SLC44A2: variants seen among roughly 807,000 people sequenced by gnomAD.
SLC44A2 encodes solute carrier family 44 member 2 (CTL2 blood group).
In SLC44A2, 57 loss-of-function variants were observed where a neutral mutation model predicts 90.8. The ratio of observed to expected loss-of-function variants is 0.63; its 90% CI spans 0.51 to 0.78. The LOEUF (loss-of-function observed/expected upper bound fraction) is 0.78, where lower values mean the gene tolerates loss of function less well. Among genes scored for constraint, SLC44A2 ranks in the 30% least tolerant of loss-of-function variants. The pLI is 0.00. For missense variants in SLC44A2, 794 were observed against 919.7 expected (o/e 0.86, Z 1.77); for synonymous variants, 355 against 360.7 (o/e 0.98, Z 0.18).
At chr19:10,632,724 G>A (rs2067010897) in intron 10 of SLC44A2, among the ~76,000 whole-genome samples, 1 of 150,544 alleles carries the variant, frequency 6.6e-6, no homozygotes, top group African/African-American at 2.4e-5. Context: ...CCAGGCTGGA[G>A]TGCCATGGCG....
Position 10,636,535 on chromosome 19 carries a change from G to A in SLC44A2, c.1446G>A (p.Pro482=), listed in dbSNP as rs562552365. 5.6e-6 allele frequency: 9 copies of A among 1,609,354 alleles called. No homozygotes were observed. The African/African-American group carries it at 1.2e-4, about 21-fold the overall frequency. ...FASYYWALRK[P]DDLPAFPLFS... ...CCTACTACTGGGCCCTGCGCAAGCC[G>A]GACGACCTGCCGGCCTTCCCGCTCT... The change falls in exon 15 of 22, where the codon CCG becomes CCA. Residue 482 remains proline, a synonymous_variant. Coordinates refer to ENST00000335757, the MANE Select transcript of SLC44A2 (RefSeq NM_020428.4).
chr19:10,634,749 C>A lies in SLC44A2; in HGVS notation c.824-7C>A, dbSNP rs1253654759. On this transcript the variant is annotated splice_polypyrimidine_tract_variant and splice_region_variant and intron_variant, in intron 10 of 21. Transcript: ENST00000335757. Reference sequence around the variant, plus strand: ...TGCTGGACTGAGCTTGTGGTTCCCCCATGCAGGAATATTTCACTGCTACAT... The same window carrying A: ...TGCTGGACTGAGCTTGTGGTTCCCCAATGCAGGAATATTTCACTGCTACAT... 1 of 1,614,150 alleles carries A rather than the reference C, an allele frequency of 6.2e-7. No individual in the cohort carries two copies. Among genetic ancestry groups the A allele is most frequent in the South Asian group, 1.1e-5 (1 of 91,090 alleles).
chr19:10,642,594 C>T, intron 21 of SLC44A2, 143 bp downstream of exon 21: 2 of 820,258 alleles, frequency 2.4e-6, no homozygotes, highest in Admixed American at 2.1e-5. Flanking sequence ...GGGTCCCCAG[C>T]CTGTCTTCCT....
chr19:10,636,607 GAT>G, intron 15 of SLC44A2, 22 bp downstream of exon 15: 1 of 1,605,488 alleles, frequency 6.2e-7, no homozygotes. Context: ...TTGCAGGCAG[GAT>G]GGGGTGGAGG....
At chr19:10,603,839 G>A (rs555999332) in intron 1 of SLC44A2, among the ~76,000 whole-genome samples, 46 of 152,322 alleles carry the variant, frequency 3.0e-4, no homozygotes, top group Middle Eastern at 6.8e-3. Context: ...GGTCTTGCCC[G>A]CTTGTGGGCA....
chr19:10,641,011 CG>C, intron 20 of SLC44A2: 1 of 365,274 alleles, frequency 2.7e-6, no homozygotes, highest in South Asian at 2.0e-5. Flanking sequence ...CGCTTGAACC[CG>C]GGAGGTGGAG....
At chr19:10,629,329 GTGCAGTGGCACAATCTCAGCCCAC>G (rs1281464032) in intron 4 of SLC44A2, among the ~76,000 whole-genome samples, 2 of 149,968 alleles carry the variant, frequency 1.3e-5, no homozygotes, top group East Asian at 3.9e-4. Context: ...CCAGGCTAGA[GTGCAGTGGCACAATCTCAGCCCAC>G]TGCAACCTCC....
At position 10,607,559 on chromosome 19, in the gene SLC44A2, T is replaced by TTGC. The variant is rs1918145586; in HGVS notation, c.31+4999_31+5001dup. ...TTTTTAGAGGCAGGGTCTCACCATG[T>TTGC]TGCCCAGGCTGGTCATGAAGTCCTG... On this transcript the variant is annotated intron_variant, in intron 1 of 21. Transcript: ENST00000407327. 4.6e-5 allele frequency among the ~76,000 whole-genome samples: 7 copies of TTGC among 150,924 alleles called. No individual in the cohort carries two copies. The South Asian group carries it at 1.5e-3, about 32-fold the overall frequency.
chr19:10,616,442 C>T (rs1269430688), intron 1 of SLC44A2, among the ~76,000 whole-genome samples: 2 of 151,966 alleles, frequency 1.3e-5, no homozygotes, highest in African/African-American at 2.4e-5. Flanking sequence ...TTTTTAGAGA[C>T]GAGGTCTTGC....
intron 20 of SLC44A2, among the ~76,000 whole-genome samples, chr19:10,641,749 G>A (rs1336744419): frequency 6.6e-6 from 1 of 152,112 alleles, no homozygotes; most frequent in African/African-American, 2.4e-5. Context: ...CGGAGGCTGA[G>A]GCGGGAGGAT....
chr19:10,634,866 C>G lies in SLC44A2; in HGVS notation c.934C>G (p.Arg312Gly), dbSNP rs766811790. The G allele has an allele frequency of 1.9e-6, 3 of 1,614,080 alleles. No homozygotes were observed. The highest frequency in any genetic ancestry group is 1.1e-5 in the South Asian group (1 of 91,090). The change falls in exon 11 of 22, where the codon CGG becomes GGG. Residue 312 changes from arginine to glycine, a missense_variant. By Grantham distance (125) the Arg-to-Gly change is moderately radical. Transcript: ENST00000335757. Reference protein sequence around the residue: ...QTDFRVYLHLRQTWLAFMIIL... With the variant: ...QTDFRVYLHLGQTWLAFMIIL... ...GGATTTCCGGGTGTACCTGCACTTA[C>G]GGCAGACCTGGTTGGCCTTTAGTGA...
Position 10,625,685 on chromosome 19 carries a change from C to A in SLC44A2, c.37+15C>A. The A allele has an allele frequency of 8.0e-7, 1 of 1,249,066 alleles. No individual in the cohort carries two copies. The highest frequency in any genetic ancestry group is 2.2e-4 in the Middle Eastern group (1 of 4,544). 77.4% of individuals were successfully genotyped at this position (1,249,066 alleles called of 1,614,324 possible). ...CGGGAAACACGGTAGGCAGCGACCC[C>A]CGCCCGTAGCCCCGGGCCGACCCCT... On this transcript the variant is annotated intron_variant, in intron 1 of 21. Transcript: ENST00000335757.
rs1330038336 is a variant in SLC44A2, at chr19:10,634,716, G to C, written c.824-40G>C. 7 of 1,611,808 alleles carry C rather than the reference G, an allele frequency of 4.3e-6. No individual in the cohort carries two copies. The African/African-American group carries it at 6.7e-5, about 15-fold the overall frequency. Reference sequence around the variant, plus strand: ...GTTGTAGCTGCTTTGCAAAGTTGCAGGAGGCACTGCTGGACTGAGCTTGTG... The same window carrying C: ...GTTGTAGCTGCTTTGCAAAGTTGCACGAGGCACTGCTGGACTGAGCTTGTG... On this transcript the variant is annotated intron_variant, in intron 10 of 21. Coordinates refer to ENST00000335757, the MANE Select transcript of SLC44A2 (RefSeq NM_020428.4).
intron 1 of SLC44A2, among the ~76,000 whole-genome samples, chr19:10,607,562 C>T (rs1200155100): frequency 6.7e-6 from 1 of 149,564 alleles, no homozygotes; most frequent in East Asian, 2.0e-4. Context: ...CACCATGTTG[C>T]CCAGGCTGGT....
At chr19:10,639,902 C>T (rs1214112226) in intron 20 of SLC44A2, among the ~76,000 whole-genome samples, 5 of 151,548 alleles carry the variant, frequency 3.3e-5, no homozygotes, top group African/African-American at 7.3e-5. Flanking sequence ...AGTGGAGATA[C>T]GGCCAAGGAG....
chr19:10,635,253 T>C lies in SLC44A2; in HGVS notation c.1146T>C (p.Ala382=). ...GCATCGCCTACTGGGCCAGCACTGCTGTGTATCTGCCCCCAGACACTGATC... is the reference window on the plus strand; with the variant it reads ...GCATCGCCTACTGGGCCAGCACTGCCGTGTATCTGCCCCCAGACACTGATC... The part of the protein sequence containing the change: ...CLCIAYWAST[A]VFLSTSNEAV... Residue 382 remains alanine, a splice_region_variant and synonymous_variant, in exon 13 of 22, where the codon GCT becomes GCC. Transcript: ENST00000335757. 3 of 1,614,008 alleles carry C rather than the reference T, an allele frequency of 1.9e-6. No homozygotes were observed. The highest frequency in any genetic ancestry group is 2.5e-6 in the Non-Finnish European group (3 of 1,180,000).
upstream of SLC44A2, among the ~76,000 whole-genome samples, chr19:10,624,725 A>G (rs1394232153): frequency 6.6e-6 from 1 of 152,200 alleles, no homozygotes; most frequent in African/African-American, 2.4e-5. Flanking sequence ...GGAGCATTTG[A>G]ATTCAGGGCG....
At position 10,635,252 on chromosome 19, in the gene SLC44A2, C is replaced by A; in HGVS notation, c.1145C>A (p.Ala382Asp). The A allele has an allele frequency of 6.2e-7, 1 of 1,614,002 alleles. No individual in the cohort carries two copies. The highest frequency in any genetic ancestry group is 8.5e-7 in the Non-Finnish European group (1 of 1,179,998). The change falls in exon 13 of 22, where the codon GCT becomes GAT. Residue 382 changes from alanine to aspartate, a missense_variant. Ala to Asp is a moderately radical substitution (Grantham distance 126). This residue lies in a region of SLC44A2 where 738 missense variants were observed against 841.1 expected (regional missense o/e 0.88). Transcript: ENST00000335757. ...CLCIAYWAST[A>D]VFLSTSNEAV... ...TGCATCGCCTACTGGGCCAGCACTG[C>A]TGTGTATCTGCCCCCAGACACTGAT... is the stretch of plus-strand genomic sequence containing the variant.
At chr19:10,611,121 A>C (rs1298456012) in intron 1 of SLC44A2, among the ~76,000 whole-genome samples, 1 of 152,060 alleles carries the variant, frequency 6.6e-6, no homozygotes. Context: ...GACTATAGGC[A>C]TGTGCCTCTG....
Sources: gnomAD v4.1 joint callset for allele counts (sites outside exome capture counted in the v4.1 genomes callset) on GRCh38, gnomAD v4.1.1 for gene constraint, gnomAD v4.1.1 regional missense constraint, MANE v1.5 for transcripts, NCBI Gene and HGNC (gene_info 2026-07-23, HGNC 2026-07-21) for gene names.